Variants in IHH observed in about 807,000 individuals in gnomAD.
IHH encodes Indian hedgehog signaling molecule.
IHH carries 9 observed loss-of-function variants against 29.4 expected under a neutral mutation model. The observed-to-expected ratio is 0.31, with a 90% CI of 0.18 to 0.53. The LOEUF is 0.53. IHH is among the 20% of genes least tolerant of loss of function. The pLI is 0.95. For missense variants in IHH, 454 were observed against 578.1 expected, an observed-to-expected ratio of 0.79 and a Z score of 2.20; for synonymous variants, 254 against 252.7, an observed-to-expected ratio of 1.01 and a Z score of -0.05.
At chr2:219,058,342 G>A (rs1336349512) in intron 1 of IHH, among the ~76,000 whole-genome samples, 1 of 152,156 alleles carries the variant, frequency 6.6e-6, no homozygotes, top group Non-Finnish European at 1.5e-5. Flanking sequence ...ATCTTAAACC[G>A]GCCCACAACC....
At chr2:219,056,351 C>T (rs1948830625) in intron 2 of IHH, among the ~76,000 whole-genome samples, 1 of 152,178 alleles carries the variant, frequency 6.6e-6, no homozygotes, top group Non-Finnish European at 1.5e-5. Context: ...TGGGCAGCCT[C>T]GGAGTGAATG....
rs949833722 is a variant in IHH, at chr2:219,057,529, T to G, written c.481A>C (p.Asn161His). 1.2e-6 allele frequency: 2 copies of G among 1,613,984 alleles called. No individual in the cohort carries two copies. The highest frequency in any genetic ancestry group is 1.7e-6 in the Non-Finnish European group (2 of 1,179,988). The change falls in exon 2 of 3, where the codon AAT becomes CAT. Residue 161 changes from asparagine (N) to histidine (H), a missense_variant. Around this residue, in one of 3 missense-constraint regions of IHH, gnomAD observed 70 missense variants for 140.1 expected, o/e 0.50. Coordinates refer to ENST00000295731, the MANE Select transcript of IHH (RefSeq NM_002181.4). ...AAGCGCGCCAGCAGTCCATACTTATTGCGGTCGCGGTCTGATGTGGTGATG... is the reference window on the plus strand; with the variant it reads ...AAGCGCGCCAGCAGTCCATACTTATGGCGGTCGCGGTCTGATGTGGTGATG... ...VDITTSDRDR[N>H]KYGLLARLAV...
chr2:219,060,358 C>A lies in IHH; in HGVS notation c.110G>T (p.Arg37Leu). The change falls in exon 1 of 3, where the codon CGC (arginine) becomes CTC (leucine). Residue 37 changes from arginine to leucine, a missense_variant. Arg to Leu is a moderately radical substitution (Grantham distance 102). Transcript: ENST00000295731. The surrounding 1 kb of genome is among the most constrained non-coding windows in gnomAD (Gnocchi z 8.8). ...GCGPGRVVGS[R>L]RRPPRKLVPL... ...CACGAGTTTGCGTGGCGGTCGCCGG[C>A]GGCTGCCCACCACCCGACCCGGCCC... 6.2e-7 allele frequency: 1 copy of A among 1,606,662 alleles called. No homozygotes were observed. The highest frequency in any genetic ancestry group is 8.5e-7 in the Non-Finnish European group (1 of 1,179,174).
In IHH at chr2:219,055,410, C is replaced by T. The variant is rs1948820809; in HGVS notation, c.1033G>A (p.Ala345Thr). 23 of 1,613,274 alleles carry T rather than the reference C, an allele frequency of 1.4e-5. No individual in the cohort carries two copies. The highest frequency in any genetic ancestry group is 1.9e-5 in the Non-Finnish European group (23 of 1,179,998). ...TCAGCCACGGCCGCGAAGCAGGATG[C>T]CACCACATCCTCCACCACCAGTGTC... ...HGTLVVEDVV[A>T]SCFAAVADHH... Residue 345 changes from alanine (A) to threonine (T), a missense_variant, in exon 3 of 3, where the codon GCA becomes ACA. Physicochemically the swap from Ala to Thr is moderately conservative, Grantham distance 58. Coordinates refer to ENST00000295731, the MANE Select transcript of IHH (RefSeq NM_002181.4).
At position 219,055,707 on chromosome 2, in the gene IHH, A is replaced by G. The variant is rs368103042; in HGVS notation, c.736T>C (p.Phe246Leu). ...AGCCTGTGAGGCTCGCGGTCCAGGA[A>G]AATGAGCACATCGCTGAAGGTGGGG... ...GSPTFSDVLI[F>L]LDREPHRLRA... The change falls in exon 3 of 3, where the codon TTC (phenylalanine) becomes CTC (leucine). Residue 246 changes from phenylalanine to leucine, a missense_variant. By Grantham distance (22) the Phe-to-Leu change is conservative (BLOSUM62 0). Coordinates refer to ENST00000295731, the MANE Select transcript of IHH (RefSeq NM_002181.4). The G allele has an allele frequency of 6.2e-7, 1 of 1,613,698 alleles. No individual in the cohort carries two copies. Among genetic ancestry groups the G allele is most frequent in the African/African-American group, 1.3e-5 (1 of 74,918 alleles).
In IHH at chr2:219,057,561, G is replaced by A; in HGVS notation, c.449C>T (p.Ala150Val). 6.2e-7 allele frequency: 1 copy of A among 1,614,082 alleles called. No individual in the cohort carries two copies. ...GCGGTCTGATGTGGTGATGTCCACC[G>A]CGCGGCCCTCATAATGCAGGGACTC... is the stretch of plus-strand genomic sequence containing the variant. ...SEESLHYEGR[A>V]VDITTSDRDR... is the part of the protein sequence containing the mutation. The change falls in exon 2 of 3, where the codon GCG becomes GTG. Residue 150 changes from alanine to valine, a missense_variant. This residue lies in a region of IHH where 70 missense variants were observed against 140.1 expected (regional missense o/e 0.50). Coordinates refer to ENST00000295731, the MANE Select transcript of IHH (RefSeq NM_002181.4).
At chr2:219,056,443 A>G (rs1173634588) in intron 2 of IHH, among the ~76,000 whole-genome samples, 1 of 152,204 alleles carries the variant, frequency 6.6e-6, no homozygotes, top group Non-Finnish European at 1.5e-5. Flanking sequence ...GGGACAGAAC[A>G]CTGCGGCATC....
chr2:219,060,077 G>T lies in IHH; in HGVS notation c.315+76C>A. The T allele has an allele frequency of 3.9e-6, 5 of 1,297,308 alleles. No individual in the cohort carries two copies. The highest frequency in any genetic ancestry group is 5.4e-6 in the Non-Finnish European group (5 of 923,852). 80.4% of individuals were successfully genotyped at this position (1,297,308 alleles called of 1,614,324 possible). ...GAGCGTGCCAGCCAGTCGAGAAAAT[G>T]TGCCAGGGGGTGGGTAGGGCCGGGC... On this transcript the variant is annotated intron_variant, in intron 1 of 2. Transcript: ENST00000295731. The surrounding 1 kb of genome is among the most constrained non-coding windows in gnomAD (Gnocchi z 8.8).
chr2:219,054,895 A>G lies in IHH; in HGVS notation c.*312T>C. The G allele has an allele frequency of 5.2e-6, 2 of 387,402 alleles. No individual in the cohort carries two copies. Among genetic ancestry groups the G allele is most frequent in the Non-Finnish European group, 9.5e-6 (2 of 210,520 alleles). The allele number at this position is 387,402 out of a possible 1,614,324, so 24.0% of individuals were successfully genotyped here. A position where few individuals can be genotyped will look rare whatever the true frequency, so the allele number is the denominator to read the frequency against. On this transcript the variant is annotated 3_prime_UTR_variant, in exon 3 of 3. Transcript: ENST00000295731. The stretch of plus-strand genomic sequence containing the variant: ...TGGAATGGGCCCTCCCCAATGGGGG[A>G]GGCAGAGTATGAAAACTCGTAGTGA...
Position 219,057,611 on chromosome 2 carries a change from C to A in IHH, c.399G>T (p.Trp133Cys). 1 of 1,613,986 alleles carries A rather than the reference C, an allele frequency of 6.2e-7. No homozygotes were observed. The highest frequency in any genetic ancestry group is 1.3e-5 in the African/African-American group (1 of 75,068). ...PGVKLRVTEG[W>C]DEDGHHSEES... Reference sequence around the variant, plus strand: ...CCTCTGAGTGGTGGCCGTCCTCGTCCCAGCCCTCGGTCACCCGCAGCTTCA... The same window carrying A: ...CCTCTGAGTGGTGGCCGTCCTCGTCACAGCCCTCGGTCACCCGCAGCTTCA... Residue 133 changes from tryptophan (W) to cysteine (C), a missense_variant, in exon 2 of 3, where the codon TGG (tryptophan) becomes TGT (cysteine). Coordinates refer to ENST00000295731, the MANE Select transcript of IHH (RefSeq NM_002181.4).
chr2:219,055,131 C>T lies in IHH; in HGVS notation c.*76G>A. 6.7e-7 allele frequency: 1 copy of T among 1,497,230 alleles called. No homozygotes were observed. Among genetic ancestry groups the T allele is most frequent in the South Asian group, 1.2e-5 (1 of 82,016 alleles). The allele number at this position is 1,497,230 out of a possible 1,614,324, so 92.7% of individuals were successfully genotyped here. On this transcript the variant is annotated 3_prime_UTR_variant, in exon 3 of 3. Coordinates refer to ENST00000295731, the MANE Select transcript of IHH (RefSeq NM_002181.4). Reference sequence around the variant, plus strand: ...AGTGTCCCCCAGCTCAGGTCCCTTCCAGGGCCAGCTCCCTCCTGGCTGAGA... The same window carrying T: ...AGTGTCCCCCAGCTCAGGTCCCTTCTAGGGCCAGCTCCCTCCTGGCTGAGA...
In IHH at chr2:219,059,644, C is replaced by T. The variant is rs1948863679; in HGVS notation, c.315+509G>A. On this transcript the variant is annotated intron_variant, in intron 1 of 2. Coordinates refer to ENST00000295731, the MANE Select transcript of IHH (RefSeq NM_002181.4). This position sits in a 1 kb window ranked among gnomAD's most constrained non-coding sequence, Gnocchi z 4.7. ...CGCTGTTCTTAACCCCAGACCCAGCCGGGACGCTGCTCCTGGAAGGGGCAG... is the reference window on the plus strand; with the variant it reads ...CGCTGTTCTTAACCCCAGACCCAGCTGGGACGCTGCTCCTGGAAGGGGCAG... Among the ~76,000 whole-genome samples the T allele has an allele frequency of 6.6e-6, 1 of 152,182 alleles. No homozygotes were observed. The highest frequency in any genetic ancestry group is 1.5e-5 in the Non-Finnish European group (1 of 68,040).
In IHH at chr2:219,055,065, C is replaced by T. The variant is rs1321726435; in HGVS notation, c.*142G>A. 1 of 880,378 alleles carries T rather than the reference C, an allele frequency of 1.1e-6. No individual in the cohort carries two copies. The highest frequency in any genetic ancestry group is 1.8e-6 in the Non-Finnish European group (1 of 569,162). The allele number at this position is 880,378 out of a possible 1,614,324, so 54.5% of individuals were successfully genotyped here. ...GGACGCTGGTGTTGCCCAGTCAAGT[C>T]TCAATGGTGTATCTTCATGGCAGAG... On this transcript the variant is annotated 3_prime_UTR_variant, in exon 3 of 3. Coordinates refer to ENST00000295731, the MANE Select transcript of IHH (RefSeq NM_002181.4).
rs931449020 is a variant in IHH at position 219,059,327 on chromosome 2, G to T, written c.315+826C>A. ...GGTCTCTCCCCTCGCGGACCTGGCT[G>T]CTGGGAAGGAATTTGCGCCTCTAAG... On this transcript the variant is annotated intron_variant, in intron 1 of 2. Transcript: ENST00000295731. This position sits in a 1 kb window ranked among gnomAD's most constrained non-coding sequence, Gnocchi z 4.7. 1.3e-5 allele frequency among the ~76,000 whole-genome samples: 2 copies of T among 152,232 alleles called. No individual in the cohort carries two copies. Among genetic ancestry groups the T allele is most frequent in the Admixed American group, 1.3e-4 (2 of 15,290 alleles).
At position 219,057,446 on chromosome 2, in the gene IHH, G is replaced by A. The variant is rs775145746; in HGVS notation, c.564C>T (p.Cys188=). ...GCGGCGGCTCACCGGACTTGACGGA[G>A]CAATGCACGTGGGCCTTTGACTCGT... is the stretch of plus-strand genomic sequence containing the variant. ...VYYESKAHVH[C]SVKSEHSAAA... The change falls in exon 2 of 3, where the codon TGC becomes TGT. Residue 188 remains cysteine (C), a synonymous_variant. Coordinates refer to ENST00000295731, the MANE Select transcript of IHH (RefSeq NM_002181.4). 3 of 1,579,008 alleles carry A rather than the reference G, an allele frequency of 1.9e-6. No individual in the cohort carries two copies. Among genetic ancestry groups the A allele is most frequent in the Non-Finnish European group, 2.6e-6 (3 of 1,162,958 alleles).
At chr2:219,055,930 C>T (rs1948827130) in intron 2 of IHH, 65 bp from the exon 3 acceptor site, 2 of 1,530,028 alleles carry the variant, frequency 1.3e-6, no homozygotes, top group Middle Eastern at 2.0e-4. Context: ...CACAACGACC[C>T]TCCCTTGGCC....
At position 219,055,133 on chromosome 2, in the gene IHH, G is replaced by A. The variant is rs1409436420; in HGVS notation, c.*74C>T. The stretch of plus-strand genomic sequence containing the variant: ...TGTCCCCCAGCTCAGGTCCCTTCCA[G>A]GGCCAGCTCCCTCCTGGCTGAGAGG... On this transcript the variant is annotated 3_prime_UTR_variant, in exon 3 of 3. Transcript: ENST00000295731. The A allele has an allele frequency of 2.0e-6, 3 of 1,499,732 alleles. No homozygotes were observed. In the African/African-American group the frequency reaches 4.2e-5, roughly 21 times the overall value. 92.9% of individuals were successfully genotyped at this position (1,499,732 alleles called of 1,614,324 possible).
intron 2 of IHH, 44 bp from the exon 3 acceptor site, chr2:219,055,909 A>G (rs1223844385): frequency 1.3e-6 from 2 of 1,574,040 alleles, no homozygotes; most frequent in African/African-American, 2.7e-5. Flanking sequence ...TGTGCAGCTC[A>G]GCCTCCTGGT....
intron 1 of IHH, chr2:219,058,709 C>A: frequency 6.5e-6 from 1 of 154,962 alleles, no homozygotes; most frequent in East Asian, 1.9e-4. Context: ...GGGGCCAGGG[C>A]CTTGGTCTGA....
Sources: allele counts gnomAD v4.1 joint callset (sites outside exome capture counted in the v4.1 genomes callset), GRCh38; gene constraint gnomAD v4.1.1; regional missense constraint gnomAD v4.1.1; non-coding constraint Gnocchi (gnomAD v3.1); transcripts MANE v1.5; gene names NCBI Gene and HGNC (gene_info 2026-07-23, HGNC 2026-07-21).